Variants in PLAC1 observed in about 807,000 individuals in gnomAD.
PLAC1 encodes placenta associated 1, also known as placenta-specific protein 1.
For synonymous variants in PLAC1, 68 were observed against 62.1 expected (o/e 1.09, Z -0.44); for missense variants, 136 against 163.2 (o/e 0.83, Z 0.91).
rs748716086 is a variant in PLAC1 at position 134,743,730 on chromosome X, C to T, written n.90-10211G>A. Among the ~76,000 whole-genome samples the T allele has an allele frequency of 9.9e-5, 11 of 111,637 alleles. No individual in the cohort carries two copies. In the East Asian group the frequency reaches 2.8e-3, roughly 29 times the overall value. On this transcript the variant is annotated intron_variant and non_coding_transcript_variant, in intron 1 of 2. Coordinates refer to the PLAC1 transcript ENST00000466797. ...ATGTCACTCTCCGAAACAAGAAAAA[C>T]TCTAGCCATCGATGCTATTAAGACT...
chrX:134,659,984 C>T (rs1298144304), upstream of PLAC1, among the ~76,000 whole-genome samples: 2 of 111,607 alleles, frequency 1.8e-5, no homozygotes, highest in African/African-American at 3.3e-5. Flanking sequence ...TTACTAAGTC[C>T]GTGAGGAAAT....
chrX:134,713,586 CA>C (rs2078634519), intron 2 of PLAC1, among the ~76,000 whole-genome samples: 1 of 111,795 alleles, frequency 8.9e-6, no homozygotes, highest in African/African-American at 3.3e-5. Flanking sequence ...TTAATTTGGG[CA>C]GGAGTTCGCT....
chrX:134,661,397 G>T (rs767344559), upstream of PLAC1, among the ~76,000 whole-genome samples: 2 of 111,946 alleles, frequency 1.8e-5, no homozygotes, highest in East Asian at 5.6e-4. Flanking sequence ...AAATGAATGA[G>T]CACCATGAGT....
chrX:134,608,801 G>A (rs1467636748), intron 1 of PLAC1, among the ~76,000 whole-genome samples: 1 of 106,052 alleles, frequency 9.4e-6, no homozygotes, highest in African/African-American at 3.5e-5. Flanking sequence ...TCAGCCTCCC[G>A]AGTAGCTGGG....
At chrX:134,746,554 C>T (rs1281419680) in intron 1 of PLAC1, among the ~76,000 whole-genome samples, 2 of 111,869 alleles carry the variant, frequency 1.8e-5, no homozygotes, top group African/African-American at 3.3e-5. Context: ...TTGGACTTGA[C>T]CCAATACCTC....
intron 2 of PLAC1, among the ~76,000 whole-genome samples, chrX:134,665,565 A>G (rs202211155): frequency 9.0e-6 from 1 of 111,500 alleles, no homozygotes; most frequent in African/African-American, 3.3e-5. Flanking sequence ...CCTTTGATGG[A>G]ATGCCTCCTT....
intron 2 of PLAC1, among the ~76,000 whole-genome samples, chrX:134,693,908 C>T (rs1218640544): frequency 9.0e-6 from 1 of 110,850 alleles, no homozygotes; most frequent in Non-Finnish European, 1.9e-5. Context: ...CCTCTAAGTG[C>T]AAGCCAATTG....
intron 1 of PLAC1, among the ~76,000 whole-genome samples, chrX:134,626,078 C>G (rs1302499771): frequency 9.0e-6 from 1 of 110,927 alleles, no homozygotes; most frequent in Non-Finnish European, 1.9e-5. Flanking sequence ...CCTGCCTGAC[C>G]AGCGACTTCA....
intron 1 of PLAC1, among the ~76,000 whole-genome samples, chrX:134,754,105 T>C (rs1166851611): frequency 8.9e-6 from 1 of 112,359 alleles, no homozygotes; most frequent in Non-Finnish European, 1.9e-5. Context: ...CTTTTTTCTA[T>C]TTTTCATTAC....
chrX:134,705,465 A>G (rs2078601743), intron 2 of PLAC1, among the ~76,000 whole-genome samples: 1 of 109,727 alleles, frequency 9.1e-6, no homozygotes, highest in Non-Finnish European at 1.9e-5. Context: ...TGTTAGAACT[A>G]ATAAGAGCAT....
chrX:134,645,151 C>T (rs1402922427), intron 1 of PLAC1, among the ~76,000 whole-genome samples: 2 of 111,962 alleles, frequency 1.8e-5, no homozygotes, highest in Non-Finnish European at 3.8e-5. Context: ...CACCTCCTTT[C>T]CTTTTTAATT....
chrX:134,664,150 A>G (rs1036693029), intron 2 of PLAC1, among the ~76,000 whole-genome samples: 2 of 111,552 alleles, frequency 1.8e-5, no homozygotes, highest in African/African-American at 6.5e-5. Flanking sequence ...GTGCCTCAGA[A>G]TCACCTGGAG....
At chrX:134,652,878 T>C (rs1167690318) in intron 1 of PLAC1, among the ~76,000 whole-genome samples, 1 of 111,740 alleles carries the variant, frequency 8.9e-6, no homozygotes, top group Non-Finnish European at 1.9e-5. Flanking sequence ...TAAACTGTCA[T>C]GCAAAATCCT....
chrX:134,601,004 TG>T (rs1260925632), intron 2 of PLAC1: 1 of 109,558 alleles, frequency 9.1e-6, no homozygotes, highest in Non-Finnish European at 1.9e-5. Context: ...TGTGCCACCA[TG>T]GCTGGCTAAT....
chrX:134,737,398 A>C (rs899916884), intron 1 of PLAC1, among the ~76,000 whole-genome samples: 2 of 112,331 alleles, frequency 1.8e-5, no homozygotes, highest in Non-Finnish European at 3.8e-5. Flanking sequence ...CCTTCCTTCC[A>C]TTCATAATCC....
chrX:134,638,439 A>T (rs1160245485), intron 1 of PLAC1, among the ~76,000 whole-genome samples: 1 of 112,803 alleles, frequency 8.9e-6, no homozygotes, highest in Non-Finnish European at 1.9e-5. Flanking sequence ...TCTTATAAAT[A>T]GTTCCATGAT....
chrX:134,689,437 G>A (rs768361678), intron 2 of PLAC1, among the ~76,000 whole-genome samples: 42 of 111,666 alleles, frequency 3.8e-4, no homozygotes, highest in Non-Finnish European at 6.8e-4. Flanking sequence ...GTTCATGCCC[G>A]TTTTCATCTC....
At chrX:134,601,113 G>C (rs2078087157) in intron 2 of PLAC1, 1 of 107,095 alleles carries the variant, frequency 9.3e-6, no homozygotes, top group South Asian at 4.0e-4. Flanking sequence ...GGATTTCACT[G>C]TATGTTTGTG....
chrX:134,661,192 C>G (rs1314055805), upstream of PLAC1, among the ~76,000 whole-genome samples: 1 of 111,642 alleles, frequency 9.0e-6, no homozygotes, highest in African/African-American at 3.3e-5. Flanking sequence ...AGGTTAAATG[C>G]CACATCCTGA....
Sources: allele counts gnomAD v4.1 joint callset (sites outside exome capture counted in the v4.1 genomes callset), GRCh38; gene constraint gnomAD v4.1.1; transcripts MANE v1.5; gene names NCBI Gene and HGNC (gene_info 2026-07-23, HGNC 2026-07-21).